Variants in UTRN observed in about 807,000 individuals in gnomAD.
UTRN encodes utrophin, also known as dystrophin-related protein 1.
A neutral mutation model predicts 463.9 loss-of-function variants in UTRN; 283 were observed. The observed-to-expected ratio is 0.61, with a 90% CI of 0.55 to 0.67. The LOEUF is 0.67. UTRN is among the 30% of genes least tolerant of loss of function. UTRN has a pLI of 0.00. For missense variants in UTRN, 3,922 were observed against 4,084.3 expected, an observed-to-expected ratio of 0.96 and a Z score of 1.08; for synonymous variants, 1,442 against 1,431.5, an observed-to-expected ratio of 1.01 and a Z score of -0.17.
At chr6:144,464,373 G>T (rs1280702831) in intron 23 of UTRN, among the ~76,000 whole-genome samples, 6 of 152,166 alleles carry the variant, frequency 3.9e-5, no homozygotes, top group Admixed American at 3.9e-4. Flanking sequence ...GGGTAGCTGT[G>T]TGTGATGGTA....
At chr6:144,780,787 G>A (rs1258015818) in intron 60 of UTRN, among the ~76,000 whole-genome samples, 5 of 152,164 alleles carry the variant, frequency 3.3e-5, no homozygotes, top group South Asian at 2.1e-4. Context: ...TGTAAGTCAC[G>A]CATCACCCAC....
At position 144,819,911 on chromosome 6, in the gene UTRN, C is replaced by CCTCTCTCT. The variant is rs1554406067; in HGVS notation, c.9358-956_9358-949dup. ...TCCTCCTCCTCCTCCTCCTCCTCCTCCTCTCTCTCTCTCTCTCTCTCTTTC... is the reference window on the plus strand; with the variant it reads ...TCCTCCTCCTCCTCCTCCTCCTCCTCCTCTCTCTCTCTCTCTCTCTCTCTCTCTCTTTC... On this transcript the variant is annotated intron_variant, in intron 65 of 74. Transcript: ENST00000367545. Among the ~76,000 whole-genome samples the CCTCTCTCT allele has an allele frequency of 1.1e-3, 127 of 118,626 alleles. 1 individual carries two copies. The highest frequency in any genetic ancestry group is 9.0e-3 in the East Asian group (28 of 3,118). The allele number at this position is 118,626 out of a possible 152,430, so 77.8% of individuals were successfully genotyped here.
intron 2 of UTRN, among the ~76,000 whole-genome samples, chr6:144,319,783 A>C (rs940517679): frequency 3.3e-5 from 5 of 151,946 alleles, no homozygotes; most frequent in African/African-American, 4.8e-5. Context: ...CCTGAGCTCC[A>C]GTGATCCACC....
intron 2 of UTRN, chr6:144,333,274 C>T (rs920743363): frequency 1.3e-4 from 20 of 152,224 alleles, no homozygotes; most frequent in East Asian, 9.6e-4. Context: ...ACAGTCTTCC[C>T]ATAACAGACC....
intron 65 of UTRN, among the ~76,000 whole-genome samples, chr6:144,819,212 T>C (rs1333441592): frequency 6.6e-6 from 1 of 152,196 alleles, no homozygotes; most frequent in Non-Finnish European, 1.5e-5. Flanking sequence ...TTTTAAATGA[T>C]AAGTAGCTGC....
chr6:144,726,984 C>T lies in UTRN; in HGVS notation c.7810-3373C>T, dbSNP rs1787946839. On this transcript the variant is annotated intron_variant, in intron 53 of 74. Coordinates refer to ENST00000367545, the MANE Select transcript of UTRN (RefSeq NM_007124.3). Reference sequence around the variant, plus strand: ...AAAGAAGTTCCAAGACAAATCTCTCCTTTGCCCTCTTCCCTCCCCACACCC... The same window carrying T: ...AAAGAAGTTCCAAGACAAATCTCTCTTTTGCCCTCTTCCCTCCCCACACCC... Among the ~76,000 whole-genome samples, 3 of 152,160 alleles carry T rather than the reference C, an allele frequency of 2.0e-5. No homozygotes were observed. In the South Asian group the frequency reaches 6.2e-4, roughly 32 times the overall value.
chr6:144,511,198 A>G (rs1228461411), intron 35 of UTRN, 75 bp downstream of exon 35: 5 of 1,333,510 alleles, frequency 3.7e-6, no homozygotes, highest in Non-Finnish European at 9.8e-7. Context: ...TACAACTTTG[A>G]TTAAATTTCA....
intron 2 of UTRN, among the ~76,000 whole-genome samples, chr6:144,335,739 T>A (rs1776669291): frequency 6.6e-6 from 1 of 152,218 alleles, no homozygotes; most frequent in Non-Finnish European, 1.5e-5. Context: ...TCTCAAGTGA[T>A]AATTGTGACT....
intron 51 of UTRN, among the ~76,000 whole-genome samples, chr6:144,667,578 T>A (rs1338575335): frequency 2.0e-5 from 3 of 152,188 alleles, no homozygotes; most frequent in Non-Finnish European, 2.9e-5. Context: ...GATGGCTACC[T>A]TACAGATATA....
rs1005674900 is a variant in UTRN, at chr6:144,444,337, G to A, written c.1569G>A (p.Arg523=). The change falls in exon 14 of 75, where the codon AGG becomes AGA. Residue 523 remains arginine (R), a synonymous_variant. Coordinates refer to ENST00000367545, the MANE Select transcript of UTRN (RefSeq NM_007124.3). ...VCRWTEERWN[R]LQEINILWQE... ...GTTGGACTGAAGAACGCTGGAATAG[G>A]TTACAAGAAATCAATATATTGTGGC... 19 of 1,610,882 alleles carry A rather than the reference G, an allele frequency of 1.2e-5. No homozygotes were observed. The highest frequency in any genetic ancestry group is 1.6e-5 in the Non-Finnish European group (19 of 1,178,200).
chr6:144,601,542 G>A (rs987938843), intron 51 of UTRN, among the ~76,000 whole-genome samples: 9 of 152,140 alleles, frequency 5.9e-5, no homozygotes, highest in South Asian at 2.1e-4. Flanking sequence ...CTGCAATCTC[G>A]TGGTAAAACT....
At chr6:144,557,036 G>C in intron 49 of UTRN, 121 bp from the exon 50 acceptor site, 1 of 1,279,596 alleles carries the variant, frequency 7.8e-7, no homozygotes, top group Non-Finnish European at 1.0e-6. Context: ...CCCCCAGTCT[G>C]TTTTCATCCT....
intron 63 of UTRN, among the ~76,000 whole-genome samples, chr6:144,797,446 C>T (rs558395820): frequency 3.3e-5 from 5 of 152,228 alleles, no homozygotes; most frequent in East Asian, 1.9e-4. Context: ...CCGCTTGCCT[C>T]GGCCTCCCAA....
At chr6:144,805,184 C>A (rs1345252555) in intron 65 of UTRN, among the ~76,000 whole-genome samples, 1 of 152,080 alleles carries the variant, frequency 6.6e-6, no homozygotes, top group African/African-American at 2.4e-5. Flanking sequence ...AGGAGAGAAT[C>A]CTTGTCAGTA....
chr6:144,604,656 G>T (rs1042791413), intron 51 of UTRN, among the ~76,000 whole-genome samples: 2 of 152,052 alleles, frequency 1.3e-5, no homozygotes. Context: ...ACTCATGCTT[G>T]TAATCCCAGC....
At chr6:144,660,178 T>C in intron 51 of UTRN, 1 of 470,590 alleles carries the variant, frequency 2.1e-6, no homozygotes, top group Non-Finnish European at 4.4e-6. Flanking sequence ...CGCTGTTGTC[T>C]GAAGGAAGTT....
chr6:144,751,618 C>A (rs1791411423), intron 55 of UTRN, among the ~76,000 whole-genome samples, 188 bp from the exon 56 acceptor site: 1 of 152,056 alleles, frequency 6.6e-6, no homozygotes, highest in Non-Finnish European at 1.5e-5. Context: ...TCGCATCCTG[C>A]AAATACTGTA....
At chr6:144,419,554 A>G (rs894303355) in intron 3 of UTRN, among the ~76,000 whole-genome samples, 1 of 152,236 alleles carries the variant, frequency 6.6e-6, no homozygotes, top group African/African-American at 2.4e-5. Flanking sequence ...CCTACTGGGT[A>G]CTGTGTTCAC....
intron 51 of UTRN, among the ~76,000 whole-genome samples, chr6:144,614,042 G>A (rs894846218): frequency 2.6e-5 from 4 of 151,978 alleles, no homozygotes; most frequent in Admixed American, 6.6e-5. Context: ...ATGAGTCAGA[G>A]CCTTTTTTTT....
Sources: allele counts gnomAD v4.1 joint callset (sites outside exome capture counted in the v4.1 genomes callset), GRCh38; gene constraint gnomAD v4.1.1; transcripts MANE v1.5; gene names NCBI Gene and HGNC (gene_info 2026-07-23, HGNC 2026-07-21).